LRRC4C: variants seen among roughly 807,000 people sequenced by gnomAD.
The protein encoded by LRRC4C is leucine-rich repeat-containing protein 4C.
In LRRC4C, 5 loss-of-function variants were observed where a neutral mutation model predicts 33.6. The ratio of observed to expected loss-of-function variants is 0.15; its 90% CI spans 0.08 to 0.31. LRRC4C has a LOEUF of 0.31. Ranked by LOEUF, LRRC4C falls within the 10% of genes least tolerant of loss-of-function variation. The probability of loss-of-function intolerance (pLI) is 1.00; values close to 1 mark genes in which losing one functional copy is unlikely to be tolerated. For synonymous variants in LRRC4C, 329 were observed against 302.0 expected, an observed-to-expected ratio of 1.09 and a Z score of -0.93; for missense variants, 560 against 796.7, an observed-to-expected ratio of 0.70 and a Z score of 3.58.
intron 1 of LRRC4C, among the ~76,000 whole-genome samples, chr11:41,059,895 C>T (rs912567850): frequency 6.6e-6 from 1 of 151,970 alleles, no homozygotes; most frequent in South Asian, 2.1e-4. Flanking sequence ...CATGGTGGCA[C>T]GCACCTGCAA....
chr11:41,134,059 G>A (rs2171334), intron 1 of LRRC4C, among the ~76,000 whole-genome samples: 139,380 of 152,158 alleles, frequency 0.92, 65,166 homozygotes, highest in East Asian at 1. Context: ...ACCAGAGTCA[G>A]CTATATTGGC....
At chr11:40,483,874 T>C (rs1450899184) in intron 3 of LRRC4C, among the ~76,000 whole-genome samples, 1 of 151,694 alleles carries the variant, frequency 6.6e-6, no homozygotes, top group African/African-American at 2.4e-5. Flanking sequence ...TAAGTAGAAC[T>C]GATATTTAAA....
intron 1 of LRRC4C, among the ~76,000 whole-genome samples, chr11:40,970,274 A>G (rs185502085): frequency 6.6e-6 from 1 of 152,262 alleles, no homozygotes; most frequent in East Asian, 1.9e-4. Flanking sequence ...TGATTGGTTC[A>G]TGGGGGCAGT....
intron 2 of LRRC4C, among the ~76,000 whole-genome samples, chr11:40,901,375 TA>T (rs1956188344): frequency 6.6e-6 from 1 of 152,058 alleles, no homozygotes; most frequent in African/African-American, 2.4e-5. Context: ...TGCTTGTTGG[TA>T]AAAACATATT....
chr11:40,488,878 T>A (rs1954006785), intron 3 of LRRC4C, among the ~76,000 whole-genome samples: 1 of 152,116 alleles, frequency 6.6e-6, no homozygotes, highest in Non-Finnish European at 1.5e-5. Context: ...TTTTCCCCAG[T>A]GAATGATCTT....
At chr11:41,103,087 C>T (rs943664888) in intron 1 of LRRC4C, among the ~76,000 whole-genome samples, 14 of 151,850 alleles carry the variant, frequency 9.2e-5, no homozygotes, top group Admixed American at 9.2e-4. Flanking sequence ...AATATGTATA[C>T]TCTACCATCT....
intron 5 of LRRC4C, among the ~76,000 whole-genome samples, chr11:40,200,227 G>T (rs1218937251): frequency 7.4e-6 from 1 of 135,362 alleles, no homozygotes; most frequent in African/African-American, 2.7e-5. Flanking sequence ...AGCCATTCTT[G>T]GTGGCAGGTG....
At chr11:40,402,329 A>T (rs1949791279) in intron 3 of LRRC4C, among the ~76,000 whole-genome samples, 3 of 152,092 alleles carry the variant, frequency 2.0e-5, no homozygotes. Flanking sequence ...TTTGTAGTGC[A>T]TTTGGTATTT....
intron 2 of LRRC4C, among the ~76,000 whole-genome samples, chr11:40,753,085 C>T (rs550124550): frequency 1.5e-4 from 22 of 151,226 alleles, no homozygotes; most frequent in East Asian, 1.2e-3. Context: ...TTTTTTGAGA[C>T]GGAGTTGTTG....
chr11:40,215,070 C>T (rs1436468007), intron 5 of LRRC4C, among the ~76,000 whole-genome samples: 1 of 152,082 alleles, frequency 6.6e-6, no homozygotes, highest in African/African-American at 2.4e-5. Flanking sequence ...CCAAATGCTT[C>T]GATTGTTACC....
chr11:41,430,303 T>C (rs954713397), intron 1 of LRRC4C, among the ~76,000 whole-genome samples: 3 of 152,186 alleles, frequency 2.0e-5, no homozygotes, highest in African/African-American at 7.2e-5. Flanking sequence ...TGTCAGCTAT[T>C]ATAGCCATTT....
intron 3 of LRRC4C, among the ~76,000 whole-genome samples, chr11:40,413,097 A>G (rs1704860184): frequency 1.3e-5 from 2 of 152,236 alleles, no homozygotes; most frequent in Admixed American, 1.3e-4. Context: ...AGAAAAAGAC[A>G]TAGTAATTGC....
At chr11:40,663,232 C>T (rs1004091449) in intron 2 of LRRC4C, among the ~76,000 whole-genome samples, 34 of 152,148 alleles carry the variant, frequency 2.2e-4, no homozygotes, top group African/African-American at 8.2e-4. Flanking sequence ...AGGCGTGCAC[C>T]ACCATGCCTG....
At chr11:41,321,947 C>T (rs1352033053) in intron 1 of LRRC4C, among the ~76,000 whole-genome samples, 4 of 152,050 alleles carry the variant, frequency 2.6e-5, no homozygotes, top group East Asian at 1.9e-4. Context: ...TCACTGCAAC[C>T]TCCACCTCCC....
intron 1 of LRRC4C, among the ~76,000 whole-genome samples, chr11:41,139,055 T>C (rs943166848): frequency 6.6e-6 from 1 of 152,184 alleles, no homozygotes; most frequent in African/African-American, 2.4e-5. Context: ...CAAAAAAGTA[T>C]GGAACAGCTG....
At chr11:40,868,721 A>G (rs7934450) in intron 2 of LRRC4C, among the ~76,000 whole-genome samples, 10,074 of 152,220 alleles carry the variant, frequency 0.066, 564 homozygotes, top group African/African-American at 0.15. Flanking sequence ...TTTGTAATAT[A>G]TAATCAAAGA....
At chr11:41,238,236 A>G (rs944120467) in intron 1 of LRRC4C, among the ~76,000 whole-genome samples, 2 of 152,120 alleles carry the variant, frequency 1.3e-5, no homozygotes, top group African/African-American at 4.8e-5. Context: ...TGGCTAGTGG[A>G]TTATCATATT....
chr11:40,608,454 AAGAC>A (rs1460485408), intron 3 of LRRC4C, among the ~76,000 whole-genome samples: 8 of 152,094 alleles, frequency 5.3e-5, no homozygotes, highest in African/African-American at 1.9e-4. Flanking sequence ...ATTACAAAGG[AAGAC>A]AGCAAAAGAA....
At chr11:40,174,326 T>A (rs544380362) in intron 5 of LRRC4C, among the ~76,000 whole-genome samples, 12 of 152,280 alleles carry the variant, frequency 7.9e-5, no homozygotes, top group African/African-American at 2.9e-4. Context: ...ACCACTGAAC[T>A]AGTCTTCACT....
Sources: allele counts gnomAD v4.1 joint callset (sites outside exome capture counted in the v4.1 genomes callset), GRCh38; gene constraint gnomAD v4.1.1; transcripts MANE v1.5; gene names NCBI Gene and HGNC (gene_info 2026-07-23, HGNC 2026-07-21).